EPB41L4B: variants seen among roughly 807,000 people sequenced by gnomAD.
EPB41L4B encodes band 4.1-like protein 4B.
EPB41L4B carries 30 observed loss-of-function variants against 112.5 expected under a neutral mutation model. That is an observed-to-expected ratio of 0.27 (90% confidence interval 0.20 to 0.36). The LOEUF is 0.36. Ranked by LOEUF, EPB41L4B falls within the 10% of genes least tolerant of loss-of-function variation. EPB41L4B has a pLI of 1.00. For missense variants in EPB41L4B, 1,024 were observed against 1,133.3 expected (o/e 0.90, Z 1.38); for synonymous variants, 408 against 439.7 (o/e 0.93, Z 0.90).
At chr9:109,203,793 A>G in intron 18 of EPB41L4B, 63 bp from the exon 19 acceptor site, 1 of 1,342,552 alleles carries the variant, frequency 7.4e-7, no homozygotes, top group African/African-American at 1.4e-5. Context: ...AAATGTTTTC[A>G]AGTCTCTTAC....
rs1268621318 is a variant in EPB41L4B, at chr9:109,256,407, T to C, written c.826A>G (p.Met276Val). 1.9e-6 allele frequency: 3 copies of C among 1,614,248 alleles called. No individual in the cohort carries two copies. The Admixed American group carries it at 5.0e-5, about 27-fold the overall frequency. ...AKWLEMYGVD[M>V]HVVRGRDGCE... ...ACAGTTCTTACCCTGACAACGTGCATGTCTACCCCATACATTTCCAGCCAC... is the reference window on the plus strand; with the variant it reads ...ACAGTTCTTACCCTGACAACGTGCACGTCTACCCCATACATTTCCAGCCAC... The change falls in exon 8 of 26, where the codon ATG becomes GTG. Residue 276 changes from methionine to valine, a missense_variant. By Grantham distance (21) the Met-to-Val change is conservative. Coordinates refer to ENST00000374566, the MANE Select transcript of EPB41L4B (RefSeq NM_019114.5).
intron 15 of EPB41L4B, among the ~76,000 whole-genome samples, chr9:109,222,459 G>T (rs1388957803): frequency 6.6e-6 from 1 of 152,122 alleles, no homozygotes. Flanking sequence ...GCCACTCACC[G>T]ACTACAATGT....
At chr9:109,319,483 T>C (rs1837759845) in intron 1 of EPB41L4B, among the ~76,000 whole-genome samples, 1 of 152,160 alleles carries the variant, frequency 6.6e-6, no homozygotes, top group African/African-American at 2.4e-5. Context: ...GACAGCCGAC[T>C]CTAGAGTTAG....
At chr9:109,229,061 G>T (rs1212009466) in intron 15 of EPB41L4B, among the ~76,000 whole-genome samples, 2 of 151,992 alleles carry the variant, frequency 1.3e-5, no homozygotes, top group Non-Finnish European at 2.9e-5. Context: ...CACCTAATAT[G>T]TACCCACACA....
chr9:109,258,799 G>A (rs1835082204), intron 6 of EPB41L4B, among the ~76,000 whole-genome samples: 1 of 152,192 alleles, frequency 6.6e-6, no homozygotes, highest in South Asian at 2.1e-4. Context: ...GCGAGAGGGA[G>A]GCAGGGAGGA....
chr9:109,286,802 C>T (rs894919644), intron 1 of EPB41L4B, among the ~76,000 whole-genome samples: 2 of 152,128 alleles, frequency 1.3e-5, no homozygotes, highest in African/African-American at 4.8e-5. Context: ...ACACCATTTC[C>T]CTCCCTGCCT....
At position 109,173,489 on chromosome 9, in the gene EPB41L4B, TG is replaced by T. The variant is rs1238252219; in HGVS notation, c.*1064del. 1 of 152,412 alleles carries T rather than the reference TG, an allele frequency of 6.6e-6. No individual in the cohort carries two copies. Among genetic ancestry groups the T allele is most frequent in the Non-Finnish European group, 1.5e-5 (1 of 68,008 alleles). 9.4% of individuals were successfully genotyped at this position (152,412 alleles called of 1,614,324 possible). ...TAGATATAACTCAAATATCTAATAATGGGGTGAAGTGAGGTTACCCATGTTA... is the reference window on the plus strand; with the variant it reads ...TAGATATAACTCAAATATCTAATAATGGGTGAAGTGAGGTTACCCATGTTA... On this transcript the variant is annotated 3_prime_UTR_variant, in exon 26 of 26. Coordinates refer to ENST00000374566, the MANE Select transcript of EPB41L4B (RefSeq NM_019114.5).
At chr9:109,255,473 C>T (rs776191901) in intron 11 of EPB41L4B, 38 bp downstream of exon 11, 3 of 1,604,638 alleles carry the variant, frequency 1.9e-6, no homozygotes, top group Non-Finnish European at 2.6e-6. Context: ...TGCCCTCCTT[C>T]AGAAGACGTG....
intron 7 of EPB41L4B, among the ~76,000 whole-genome samples, chr9:109,256,935 C>T (rs1247599672): frequency 6.6e-6 from 1 of 152,194 alleles, no homozygotes; most frequent in Non-Finnish European, 1.5e-5. Context: ...GGCAACAAGA[C>T]TGAAACTCCA....
At chr9:109,302,859 T>TA (rs1837025159) in intron 1 of EPB41L4B, among the ~76,000 whole-genome samples, 1 of 152,084 alleles carries the variant, frequency 6.6e-6, no homozygotes, top group Non-Finnish European at 1.5e-5. Flanking sequence ...CAGATGTCCC[T>TA]AAGCTTTTCC....
At chr9:109,289,167 C>T (rs1460071023) in intron 1 of EPB41L4B, among the ~76,000 whole-genome samples, 2 of 152,142 alleles carry the variant, frequency 1.3e-5, no homozygotes, top group Non-Finnish European at 2.9e-5. Flanking sequence ...ACTCTGCACC[C>T]ATCAACCCTG....
chr9:109,194,499 G>T, intron 20 of EPB41L4B, 102 bp from the exon 21 acceptor site: 3 of 1,270,910 alleles, frequency 2.4e-6, no homozygotes, highest in Non-Finnish European at 3.3e-6. Context: ...CAGGGATGGG[G>T]ATTGGGGGTT....
intron 15 of EPB41L4B, among the ~76,000 whole-genome samples, chr9:109,230,812 TA>T (rs938678604): frequency 1.3e-5 from 2 of 151,922 alleles, no homozygotes; most frequent in African/African-American, 4.8e-5. Flanking sequence ...GTCTTATATC[TA>T]AAAAAAAGAC....
At chr9:109,189,286 A>T (rs997862814) in intron 22 of EPB41L4B, among the ~76,000 whole-genome samples, 1 of 152,202 alleles carries the variant, frequency 6.6e-6, no homozygotes, top group South Asian at 2.1e-4. Context: ...AGAGTTGGGG[A>T]TTAGAGAGGA....
intron 25 of EPB41L4B, among the ~76,000 whole-genome samples, chr9:109,175,118 T>C (rs886848491): frequency 2.0e-5 from 3 of 151,836 alleles, no homozygotes; most frequent in Non-Finnish European, 1.5e-5. Context: ...GGTTTCACCG[T>C]GTTGCCCAGG....
intron 1 of EPB41L4B, among the ~76,000 whole-genome samples, chr9:109,295,470 G>A (rs1225694321): frequency 6.6e-6 from 1 of 152,136 alleles, no homozygotes; most frequent in Non-Finnish European, 1.5e-5. Context: ...TGGCCACCCT[G>A]CCCAGGACTC....
intron 6 of EPB41L4B, among the ~76,000 whole-genome samples, 167 bp downstream of exon 6, chr9:109,262,883 C>T (rs1835267853): frequency 6.6e-6 from 1 of 152,204 alleles, no homozygotes; most frequent in Non-Finnish European, 1.5e-5. Context: ...GTCCTTGCTA[C>T]TCCTTGCCTT....
chr9:109,295,373 T>C (rs1836697706), intron 1 of EPB41L4B, among the ~76,000 whole-genome samples: 1 of 152,200 alleles, frequency 6.6e-6, no homozygotes, highest in Non-Finnish European at 1.5e-5. Flanking sequence ...TTTTTGACTT[T>C]GAACTAAAGC....
intron 18 of EPB41L4B, among the ~76,000 whole-genome samples, chr9:109,207,162 T>C (rs2118780306): frequency 6.6e-6 from 1 of 152,308 alleles, no homozygotes; most frequent in East Asian, 1.9e-4. Context: ...TAAATTTTAA[T>C]GTTGACAGCA....
Sources: allele counts gnomAD v4.1 joint callset (sites outside exome capture counted in the v4.1 genomes callset), GRCh38; gene constraint gnomAD v4.1.1; transcripts MANE v1.5; gene names NCBI Gene and HGNC (gene_info 2026-07-23, HGNC 2026-07-21).